The following CNTN5 variants were observed in gnomAD, a reference collection of about 807,000 sequenced individuals.
CNTN5 encodes the protein contactin 5, also known as contactin-5.
A neutral mutation model predicts 129.1 loss-of-function variants in CNTN5; 77 were observed. The observed-to-expected ratio is 0.60, with a 90% CI of 0.50 to 0.72. The LOEUF (loss-of-function observed/expected upper bound fraction) is 0.72, where lower values mean the gene tolerates loss of function less well. CNTN5 is among the 30% of genes least tolerant of loss of function. The probability of loss-of-function intolerance (pLI) is 0.00; values close to 1 mark genes in which losing one functional copy is unlikely to be tolerated. For synonymous variants in CNTN5, 509 were observed against 465.6 expected (o/e 1.09, Z -1.20); for missense variants, 1,478 against 1,328.8 (o/e 1.11, Z -1.75).
At chr11:99,882,798 G>A (rs1324224622) in intron 6 of CNTN5, among the ~76,000 whole-genome samples, 6 of 152,100 alleles carry the variant, frequency 3.9e-5, no homozygotes, top group Non-Finnish European at 8.8e-5. Flanking sequence ...CAAATAGTAA[G>A]TCTTATTCAT....
At chr11:99,507,682 A>G (rs959073944) in intron 2 of CNTN5, among the ~76,000 whole-genome samples, 16 of 152,186 alleles carry the variant, frequency 1.1e-4, no homozygotes, top group Admixed American at 1.0e-3. Context: ...TCTGCTCCAA[A>G]GTTTTAAAAA....
chr11:99,032,680 T>G (rs1863459069), intron 1 of CNTN5, among the ~76,000 whole-genome samples: 1 of 151,276 alleles, frequency 6.6e-6, no homozygotes, highest in Non-Finnish European at 1.5e-5. Flanking sequence ...CTTTGTCAGA[T>G]GAGTAGGTTG....
intron 15 of CNTN5, among the ~76,000 whole-genome samples, chr11:100,194,660 C>T (rs1205196769): frequency 6.6e-6 from 1 of 150,524 alleles, no homozygotes; most frequent in Non-Finnish European, 1.5e-5. Context: ...CAAATCCCAG[C>T]TTAATCTCTA....
At chr11:99,372,527 A>T (rs1344991060) in intron 2 of CNTN5, among the ~76,000 whole-genome samples, 1 of 152,112 alleles carries the variant, frequency 6.6e-6, no homozygotes, top group Admixed American at 6.6e-5. Flanking sequence ...CCTCTTGGAG[A>T]GGGGAAAATC....
rs550522958 is a variant in CNTN5, at chr11:99,825,982, T to C, written c.277+6217T>C. Among the ~76,000 whole-genome samples the C allele has an allele frequency of 4.9e-4, 74 of 152,262 alleles. 1 individual carries two copies. The South Asian group carries it at 0.011, about 23-fold the overall frequency. ...AAAATCCAGCTCTTTTTCTGATTCG[T>C]CTGTTCTTCATTTCTACACTTTTTT... is the stretch of plus-strand genomic sequence containing the variant. On this transcript the variant is annotated intron_variant, in intron 4 of 24. Transcript: ENST00000524871.
At chr11:99,152,785 G>C (rs937491085) in intron 1 of CNTN5, among the ~76,000 whole-genome samples, 3 of 152,152 alleles carry the variant, frequency 2.0e-5, no homozygotes, top group Non-Finnish European at 2.9e-5. Flanking sequence ...ATTGGTAATG[G>C]TCTTTTTTTC....
At chr11:99,657,251 G>T (rs970565813) in intron 3 of CNTN5, among the ~76,000 whole-genome samples, 3 of 151,938 alleles carry the variant, frequency 2.0e-5, no homozygotes. Context: ...CTTTCCAGAA[G>T]TGTTTGAAAA....
chr11:100,047,147 A>G (rs931094197), intron 9 of CNTN5, among the ~76,000 whole-genome samples: 5 of 152,116 alleles, frequency 3.3e-5, no homozygotes, highest in African/African-American at 1.2e-4. Context: ...AAGAAAAACT[A>G]GTAGAGAAGG....
intron 1 of CNTN5, among the ~76,000 whole-genome samples, chr11:99,292,539 T>C (rs1221271618): frequency 6.6e-6 from 1 of 152,138 alleles, no homozygotes; most frequent in East Asian, 1.9e-4. Flanking sequence ...GGCATCCTTG[T>C]CTTGTTCCAA....
intron 17 of CNTN5, among the ~76,000 whole-genome samples, chr11:100,269,083 A>G (rs1335516400): frequency 6.6e-6 from 1 of 152,206 alleles, no homozygotes; most frequent in East Asian, 1.9e-4. Flanking sequence ...CAGGAAGACA[A>G]AACGAAATCA....
intron 7 of CNTN5, among the ~76,000 whole-genome samples, chr11:99,922,399 A>G (rs1653580585): frequency 6.6e-6 from 1 of 152,222 alleles, no homozygotes; most frequent in African/African-American, 2.4e-5. Flanking sequence ...GGAAGTGAGA[A>G]AAGAATAATC....
At chr11:99,484,706 CA>C (rs923656742) in intron 2 of CNTN5, among the ~76,000 whole-genome samples, 40 of 143,892 alleles carry the variant, frequency 2.8e-4, no homozygotes, top group South Asian at 6.6e-4. Flanking sequence ...TAGTCAGCTA[CA>C]AAAAAAAAAG....
At chr11:99,875,032 T>G (rs1455037089) in intron 6 of CNTN5, among the ~76,000 whole-genome samples, 1 of 152,184 alleles carries the variant, frequency 6.6e-6, no homozygotes, top group Admixed American at 6.5e-5. Flanking sequence ...CACAGATTAC[T>G]GGAGGTGCTC....
In CNTN5 at chr11:99,319,870, A is replaced by G. The variant is rs1359762207; in HGVS notation, c.-209-5476A>G. On this transcript the variant is annotated intron_variant, in intron 1 of 24. Transcript: ENST00000524871. ...CTCATTCAAACAAGAGTGGGAGTGG[A>G]AATGGAGAAGAAACAGACCTGAGAT... 1.6e-4 allele frequency among the ~76,000 whole-genome samples: 25 copies of G among 152,140 alleles called. 1 individual carries two copies. The highest frequency in any genetic ancestry group is 1.6e-3 in the Admixed American group (25 of 15,262).
intron 9 of CNTN5, among the ~76,000 whole-genome samples, chr11:100,048,062 C>T (rs145655961): frequency 0.014 from 2,081 of 152,048 alleles, 48 homozygotes; most frequent in African/African-American, 0.047. Context: ...ATCCCGAGGG[C>T]GGAGCTTGCA....
At chr11:99,634,240 G>A (rs914241644) in intron 3 of CNTN5, among the ~76,000 whole-genome samples, 15 of 152,158 alleles carry the variant, frequency 9.9e-5, no homozygotes, top group Non-Finnish European at 2.1e-4. Context: ...AGATAAATGT[G>A]TACAACTTTA....
At chr11:99,501,412 T>C (rs553508650) in intron 2 of CNTN5, among the ~76,000 whole-genome samples, 3 of 152,334 alleles carry the variant, frequency 2.0e-5, no homozygotes, top group South Asian at 4.1e-4. Flanking sequence ...TTAACTAACA[T>C]TTAGTTTAAA....
intron 3 of CNTN5, among the ~76,000 whole-genome samples, chr11:99,782,377 A>T (rs1189969816): frequency 6.0e-5 from 9 of 149,670 alleles, no homozygotes; most frequent in African/African-American, 2.2e-4. Flanking sequence ...AGGAAGAATC[A>T]ATATCGTGAA....
chr11:99,524,897 C>T (rs934648651), intron 2 of CNTN5, among the ~76,000 whole-genome samples: 3 of 152,034 alleles, frequency 2.0e-5, no homozygotes, highest in African/African-American at 7.2e-5. Context: ...CCATCTTTTT[C>T]CCCTAATTTT....
Sources: gnomAD v4.1 joint callset for allele counts (sites outside exome capture counted in the v4.1 genomes callset) on GRCh38, gnomAD v4.1.1 for gene constraint, MANE v1.5 for transcripts, NCBI Gene and HGNC (gene_info 2026-07-23, HGNC 2026-07-21) for gene names.